BMP7: variants seen among roughly 807,000 people sequenced by gnomAD.
BMP7 encodes the protein bone morphogenetic protein 7.
A neutral mutation model predicts 41.2 loss-of-function variants in BMP7; 12 were observed. The observed-to-expected ratio is 0.29, with a 90% CI of 0.19 to 0.47. The LOEUF is 0.47. Among genes scored for constraint, BMP7 ranks in the 20% least tolerant of loss-of-function variants. The pLI is 0.99. For synonymous variants in BMP7, 248 were observed against 250.0 expected (o/e 0.99, Z 0.07); for missense variants, 467 against 606.0 (o/e 0.77, Z 2.41).
Position 57,214,754 on chromosome 20 carries a change from G to C in BMP7, c.612-12131C>G, listed in dbSNP as rs191676667. On this transcript the variant is annotated intron_variant, in intron 2 of 6. Coordinates refer to ENST00000395863, the MANE Select transcript of BMP7 (RefSeq NM_001719.3). This position sits in a 1 kb window ranked among gnomAD's most constrained non-coding sequence, Gnocchi z 4.0. The stretch of plus-strand genomic sequence containing the variant: ...CCTCTCCCCTGCGCCATCTGGGCTG[G>C]AGTTTCAGTTTGTTTGTATAGTTTT... 56 of 152,448 alleles carry C rather than the reference G, an allele frequency of 3.7e-4. No homozygotes were observed. Among genetic ancestry groups the C allele is most frequent in the Admixed American group, 3.2e-3 (49 of 15,302 alleles). 9.4% of individuals were successfully genotyped at this position (152,448 alleles called of 1,614,324 possible). A position where few individuals can be genotyped will look rare whatever the true frequency, so the allele number is the denominator to read the frequency against.
intron 4 of BMP7, among the ~76,000 whole-genome samples, chr20:57,181,162 A>C (rs1984070916): frequency 6.6e-6 from 1 of 152,166 alleles, no homozygotes; most frequent in African/African-American, 2.4e-5. Flanking sequence ...GCAACTCCTG[A>C]GCCGGCCCCC....
At chr20:57,238,786 T>C (rs972908959) in intron 1 of BMP7, among the ~76,000 whole-genome samples, 2 of 151,916 alleles carry the variant, frequency 1.3e-5, no homozygotes, top group African/African-American at 2.4e-5. Flanking sequence ...AAGGCACTTC[T>C]TACATGGCAG....
chr20:57,265,052 G>A (rs1248852410), intron 1 of BMP7, among the ~76,000 whole-genome samples: 5 of 137,104 alleles, frequency 3.6e-5, no homozygotes, highest in African/African-American at 6.0e-5. Context: ...AAAAAGAAAA[G>A]AAAAGAAAAA....
intron 4 of BMP7, among the ~76,000 whole-genome samples, chr20:57,177,354 A>AT (rs1400649741): frequency 8.5e-6 from 1 of 117,738 alleles, no homozygotes; most frequent in African/African-American, 3.6e-5. Context: ...TTTCATCAGC[A>AT]ATTTTTTTTT....
At chr20:57,202,004 T>A (rs1984632630) in intron 3 of BMP7, among the ~76,000 whole-genome samples, 1 of 152,180 alleles carries the variant, frequency 6.6e-6, no homozygotes, top group South Asian at 2.1e-4. Context: ...TCTGGCGATG[T>A]CTGGAGACAT....
At position 57,202,482 on chromosome 20, in the gene BMP7, C is replaced by A. The variant is rs1452830495; in HGVS notation, c.753G>T (p.Thr251=). The part of the protein sequence containing the change: ...HNLGLQLSVE[T]LDGQSINPKL... Reference sequence around the variant, plus strand: ...AGTGGCCGGGGGACTCACCATCCAGCGTCTCCACCGAGAGCTGCAGGCCCA... The same window carrying A: ...AGTGGCCGGGGGACTCACCATCCAGAGTCTCCACCGAGAGCTGCAGGCCCA... Residue 251 remains threonine, a synonymous_variant, in exon 3 of 7, where the codon ACG becomes ACT. Transcript: ENST00000395863. 1 of 1,596,762 alleles carries A rather than the reference C, an allele frequency of 6.3e-7. No individual in the cohort carries two copies. The highest frequency in any genetic ancestry group is 1.1e-5 in the South Asian group (1 of 90,452).
At chr20:57,245,771 T>G (rs564932791) in intron 1 of BMP7, among the ~76,000 whole-genome samples, 4 of 151,926 alleles carry the variant, frequency 2.6e-5, no homozygotes, top group Middle Eastern at 3.4e-3. Context: ...CCCGAGTATC[T>G]GCGATTACAG....
chr20:57,212,412 G>T (rs565807606), intron 2 of BMP7, among the ~76,000 whole-genome samples: 97 of 152,306 alleles, frequency 6.4e-4, no homozygotes, highest in Non-Finnish European at 1.1e-3. Context: ...AAGCCGGGAG[G>T]AGTTCTAAGC....
chr20:57,171,117 C>T lies in BMP7; in HGVS notation c.1147-9G>A. ...GGGTTGATGAAGTGGACCTGAAACA[C>T]ACACCAAAACATGGGCAGTGGTGAG... On this transcript the variant is annotated splice_polypyrimidine_tract_variant and intron_variant, in intron 6 of 6. Transcript: ENST00000395863. The surrounding 1 kb of genome is among the most constrained non-coding windows in gnomAD (Gnocchi z 4.5). 1 of 1,614,146 alleles carries T rather than the reference C, an allele frequency of 6.2e-7. No homozygotes were observed. The highest frequency in any genetic ancestry group is 1.3e-5 in the African/African-American group (1 of 75,038).
intron 2 of BMP7, among the ~76,000 whole-genome samples, chr20:57,212,592 C>T (rs1374273837): frequency 6.6e-6 from 1 of 152,240 alleles, no homozygotes; most frequent in Non-Finnish European, 1.5e-5. Context: ...GGATATTCCT[C>T]AGAAGAAAAG....
intron 4 of BMP7, among the ~76,000 whole-genome samples, chr20:57,180,786 G>A (rs1051055806): frequency 2.6e-5 from 4 of 152,156 alleles, no homozygotes; most frequent in Non-Finnish European, 5.9e-5. Context: ...GGGCCACACA[G>A]ACCCACTGAG....
intron 1 of BMP7, among the ~76,000 whole-genome samples, chr20:57,255,941 G>A (rs936476926): frequency 2.0e-5 from 3 of 152,066 alleles, no homozygotes; most frequent in African/African-American, 7.2e-5. Context: ...AACACCAGCA[G>A]TCACCTCATT....
intron 1 of BMP7, among the ~76,000 whole-genome samples, chr20:57,233,438 C>T (rs1336398444): frequency 6.6e-6 from 1 of 152,224 alleles, no homozygotes; most frequent in Non-Finnish European, 1.5e-5. Flanking sequence ...CTTCCTTTTA[C>T]AAAAACCCGA....
rs1410913132 is a variant in BMP7, at chr20:57,224,090, C to T, written c.611+4139G>A. On this transcript the variant is annotated intron_variant, in intron 2 of 6. Coordinates refer to ENST00000395863, the MANE Select transcript of BMP7 (RefSeq NM_001719.3). This position sits in a 1 kb window ranked among gnomAD's most constrained non-coding sequence, Gnocchi z 4.8. ...CCCCCATCCCAGGGCTAGTCGAGGG[C>T]AAGAGCCTCTGCCTGGGCTGAAGGG... 1.3e-5 allele frequency among the ~76,000 whole-genome samples: 2 copies of T among 152,180 alleles called. No homozygotes were observed. Among genetic ancestry groups the T allele is most frequent in the Non-Finnish European group, 2.9e-5 (2 of 68,024 alleles).
At chr20:57,249,918 C>A (rs945194724) in intron 1 of BMP7, among the ~76,000 whole-genome samples, 1 of 152,140 alleles carries the variant, frequency 6.6e-6, no homozygotes, top group Non-Finnish European at 1.5e-5. Context: ...CCTTGAGCCA[C>A]CCACCAGAGA....
Position 57,265,838 on chromosome 20 carries a change from G to A in BMP7, c.285C>T (p.Gly95=). The change falls in exon 1 of 7, where the codon GGC becomes GGT. Residue 95 remains glycine (G), a synonymous_variant. Transcript: ENST00000395863. ...AGAAGCCCTGGCCGCCGGGCCCGCC[G>A]CCCTCCTCCACCGCCATGGCGTTGT... is the stretch of plus-strand genomic sequence containing the variant. The part of the protein sequence containing the change: ...DLYNAMAVEE[G]GGPGGQGFSY... The A allele has an allele frequency of 1.2e-6, 2 of 1,606,274 alleles. No homozygotes were observed. The highest frequency in any genetic ancestry group is 1.1e-5 in the South Asian group (1 of 89,286).
chr20:57,190,675 G>A (rs954916863), intron 3 of BMP7, among the ~76,000 whole-genome samples: 2 of 152,034 alleles, frequency 1.3e-5, no homozygotes, highest in Non-Finnish European at 2.9e-5. Flanking sequence ...AAGCGCGTCC[G>A]CTCCTGCCCG....
intron 1 of BMP7, among the ~76,000 whole-genome samples, chr20:57,233,008 A>T (rs961023414): frequency 1.3e-5 from 2 of 152,198 alleles, no homozygotes; most frequent in South Asian, 4.1e-4. Flanking sequence ...CACCATTTCA[A>T]CTCAAGTATC....
At chr20:57,205,474 A>G (rs1258980518) in intron 2 of BMP7, among the ~76,000 whole-genome samples, 1 of 152,216 alleles carries the variant, frequency 6.6e-6, no homozygotes, top group Non-Finnish European at 1.5e-5. Context: ...CAAGGTTGTC[A>G]ATGAACCATT....
Sources: allele counts gnomAD v4.1 joint callset (sites outside exome capture counted in the v4.1 genomes callset), GRCh38; gene constraint gnomAD v4.1.1; non-coding constraint Gnocchi (gnomAD v3.1); transcripts MANE v1.5; gene names NCBI Gene and HGNC (gene_info 2026-07-23, HGNC 2026-07-21).